The following RB1 variants were observed in gnomAD, a reference collection of about 807,000 sequenced individuals.
RB1 encodes retinoblastoma-associated protein.
In RB1, 18 loss-of-function variants were observed where a neutral mutation model predicts 135.4. The observed-to-expected ratio is 0.13, with a 90% CI of 0.09 to 0.20. The LOEUF (loss-of-function observed/expected upper bound fraction) is 0.20, where lower values mean the gene tolerates loss of function less well. RB1 is among the 10% of genes least tolerant of loss of function. The pLI is 1.00. For synonymous variants in RB1, 365 were observed against 373.2 expected (o/e 0.98, Z 0.25); for missense variants, 868 against 1,110.0 (o/e 0.78, Z 3.10).
rs1044079175 is a variant in RB1, at chr13:48,480,931, C to T, written c.*860C>T. ...TCTGCCAGATCTTAGGTATAGAGGA[C>T]CCTAACACAGTATATCCCAAGTGCA... On this transcript the variant is annotated 3_prime_UTR_variant, in exon 27 of 27. Transcript: ENST00000267163. The T allele has an allele frequency of 4.4e-6, 1 of 228,886 alleles. No individual in the cohort carries two copies. The highest frequency in any genetic ancestry group is 8.7e-6 in the Non-Finnish European group (1 of 115,240). 14.2% of individuals were successfully genotyped at this position (228,886 alleles called of 1,614,324 possible). A position where few individuals can be genotyped will look rare whatever the true frequency, so the allele number is the denominator to read the frequency against.
At chr13:48,411,634 A>G (rs778739716) in intron 17 of RB1, 7 of 1,611,964 alleles carry the variant, frequency 4.3e-6, no homozygotes, top group South Asian at 3.3e-5. Context: ...GCCACTACTG[A>G]GCAATTAACA....
rs1566174119 is a variant in RB1, at chr13:48,303,985, C to T, written c.73C>T (p.Pro25Ser). The T allele has an allele frequency of 1.3e-6, 2 of 1,499,392 alleles. No homozygotes were observed. The highest frequency in any genetic ancestry group is 1.8e-6 in the Non-Finnish European group (2 of 1,132,322). The allele number at this position is 1,499,392 out of a possible 1,614,324, so 92.9% of individuals were successfully genotyped here. A position where few individuals can be genotyped will look rare whatever the true frequency, so the allele number is the denominator to read the frequency against. The change falls in exon 1 of 27, where the codon CCG becomes TCG. Residue 25 changes from proline (P) to serine (S), a missense_variant. By Grantham distance (74) the Pro-to-Ser change is moderately conservative. This residue lies in a region of RB1 where 641 missense variants were observed against 791.3 expected (regional missense o/e 0.81). Transcript: ENST00000267163. ...AAAAEPPAPP[P>S]PPPPEEDPEQ... ...CGCCGCGGAACCCCCGGCACCGCCG[C>T]CGCCGCCCCCTCCTGAGGAGGACCC... is the stretch of plus-strand genomic sequence containing the variant.
chr13:48,321,463 A>G (rs1952240133), intron 2 of RB1, among the ~76,000 whole-genome samples: 1 of 151,548 alleles, frequency 6.6e-6, no homozygotes, highest in South Asian at 2.1e-4. Context: ...GACTGTGATA[A>G]GGTGGTATCT....
chr13:48,314,380 T>G (rs1952161351), intron 2 of RB1, among the ~76,000 whole-genome samples: 1 of 152,214 alleles, frequency 6.6e-6, no homozygotes, highest in African/African-American at 2.4e-5. Context: ...GTTTTCAGTT[T>G]TCAGAGTATA....
At chr13:48,439,637 G>A (rs1304076331) in intron 17 of RB1, 1 of 152,064 alleles carries the variant, frequency 6.6e-6, no homozygotes, top group African/African-American at 2.4e-5. Context: ...CAAATGCTGG[G>A]AAAAAGAGAA....
At chr13:48,374,992 G>T (rs931223084) in intron 12 of RB1, among the ~76,000 whole-genome samples, 1 of 151,996 alleles carries the variant, frequency 6.6e-6, no homozygotes, top group African/African-American at 2.4e-5. Flanking sequence ...GTATTAATTT[G>T]TTTAGGATAA....
intron 19 of RB1, among the ~76,000 whole-genome samples, chr13:48,456,743 T>TG (rs898447782): frequency 5.3e-5 from 8 of 152,362 alleles, no homozygotes; most frequent in Non-Finnish European, 1.2e-4. Context: ...CAGTCAGAAA[T>TG]GCTGGCTGCT....
intron 1 of RB1, among the ~76,000 whole-genome samples, chr13:48,304,272 G>C (rs991326746): frequency 4.6e-5 from 7 of 152,206 alleles, no homozygotes; most frequent in Non-Finnish European, 1.0e-4. Flanking sequence ...ACAGGTGTCG[G>C]GCGGGTGGGG....
chr13:48,330,779 A>G (rs2138068250), intron 2 of RB1, among the ~76,000 whole-genome samples: 1 of 152,318 alleles, frequency 6.6e-6, no homozygotes, highest in East Asian at 1.9e-4. Context: ...AATAGGAGGA[A>G]ACACTTCCAA....
chr13:48,459,822 C>T lies in RB1; in HGVS notation c.2095C>T (p.His699Tyr), dbSNP rs2138336493. 1 of 1,613,542 alleles carries T rather than the reference C, an allele frequency of 6.2e-7. No individual in the cohort carries two copies. The highest frequency in any genetic ancestry group is 8.5e-7 in the Non-Finnish European group (1 of 1,179,598). ...QNEYELMRDR[H>Y]LDQIMMCSMY... ...TGAGTATGAACTCATGAGAGACAGG[C>T]ATTTGGACCAAGTAAGAAAATCAAG... is the stretch of plus-strand genomic sequence containing the variant. The change falls in exon 20 of 27, where the codon CAT becomes TAT. Residue 699 changes from histidine (H) to tyrosine (Y), a missense_variant. Physicochemically the swap from His to Tyr is moderately conservative, Grantham distance 83 (BLOSUM62 2). Coordinates refer to ENST00000267163, the MANE Select transcript of RB1 (RefSeq NM_000321.3).
rs907025087 is a variant in RB1, at chr13:48,480,521, C to G, written c.*450C>G. ...CCCTTAGAAAATGTGTCCTATCTAT[C>G]TTCCAAATGCAATTTGATTGACTGC... is the stretch of plus-strand genomic sequence containing the variant. On this transcript the variant is annotated 3_prime_UTR_variant, in exon 27 of 27. Transcript: ENST00000267163. 5 of 228,914 alleles carry G rather than the reference C, an allele frequency of 2.2e-5. No individual in the cohort carries two copies. The highest frequency in any genetic ancestry group is 1.8e-4 in the South Asian group (1 of 5,668). The allele number at this position is 228,914 out of a possible 1,614,324, so 14.2% of individuals were successfully genotyped here.
chr13:48,316,449 T>C (rs1952183782), intron 2 of RB1, among the ~76,000 whole-genome samples: 1 of 152,114 alleles, frequency 6.6e-6, no homozygotes, highest in South Asian at 2.1e-4. Flanking sequence ...CTCTGTGAAC[T>C]TGGCTGCGAT....
In RB1 at chr13:48,321,683, C is replaced by G. The variant is rs193107505; in HGVS notation, c.264+14277C>G. 1.4e-4 allele frequency among the ~76,000 whole-genome samples: 21 copies of G among 152,130 alleles called. 2 individuals carry two copies. In the South Asian group the frequency reaches 3.3e-3, roughly 24 times the overall value. ...CCAGCCTGGCTAACATGGTGAAACT[C>G]CGTGTCTACTAAAAATACAAAAATT... On this transcript the variant is annotated intron_variant, in intron 2 of 26. Transcript: ENST00000267163.
At chr13:48,389,778 A>G (rs1261507020) in intron 17 of RB1, 3 of 152,164 alleles carry the variant, frequency 2.0e-5, no homozygotes, top group Admixed American at 6.6e-5. Context: ...CTCCCTCCCT[A>G]GAGTGGTTAG....
At chr13:48,329,302 C>T (rs1251249678) in intron 2 of RB1, among the ~76,000 whole-genome samples, 3 of 152,056 alleles carry the variant, frequency 2.0e-5, no homozygotes, top group Non-Finnish European at 4.4e-5. Context: ...CATCAGGTAC[C>T]TATTATTAGT....
chr13:48,335,955 G>T (rs929001350), intron 2 of RB1, among the ~76,000 whole-genome samples: 2 of 151,978 alleles, frequency 1.3e-5, no homozygotes. Context: ...CCATGGAGTT[G>T]AGAAACCCCA....
In RB1 at chr13:48,303,882, A is replaced by C. The variant is rs951764462; in HGVS notation, c.-31A>C. On this transcript the variant is annotated 5_prime_UTR_variant, in exon 1 of 27. Coordinates refer to ENST00000267163, the MANE Select transcript of RB1 (RefSeq NM_000321.3). ...GTCGTCCTCCCCGGCGCTCCTCCAC[A>C]GCTCGCTGGCTCCCGCCGCGGAAAG... 1 of 1,513,340 alleles carries C rather than the reference A, an allele frequency of 6.6e-7. No individual in the cohort carries two copies. Among genetic ancestry groups the C allele is most frequent in the Non-Finnish European group, 8.8e-7 (1 of 1,138,110 alleles). The allele number at this position is 1,513,340 out of a possible 1,614,324, so 93.7% of individuals were successfully genotyped here. A position where few individuals can be genotyped will look rare whatever the true frequency, so the allele number is the denominator to read the frequency against.
chr13:48,317,565 A>G, intron 2 of RB1: 2 of 437,250 alleles, frequency 4.6e-6, no homozygotes, highest in South Asian at 2.2e-5. Flanking sequence ...GCTGAATAAA[A>G]GCACTTCTGG....
intron 17 of RB1, among the ~76,000 whole-genome samples, chr13:48,436,181 G>A (rs1056483933): frequency 4.6e-5 from 7 of 152,186 alleles, no homozygotes; most frequent in Non-Finnish European, 7.3e-5. Flanking sequence ...CTCATAGCTG[G>A]TTGGTGATGA....
Sources: allele counts gnomAD v4.1 joint callset (sites outside exome capture counted in the v4.1 genomes callset), GRCh38; gene constraint gnomAD v4.1.1; regional missense constraint gnomAD v4.1.1; transcripts MANE v1.5; gene names NCBI Gene and HGNC (gene_info 2026-07-23, HGNC 2026-07-21).